Variants in SLC38A6 observed in about 807,000 individuals in gnomAD.
The protein encoded by SLC38A6 is N system amino acid transporter NAT-1.
Under a neutral mutation model 65.0 loss-of-function variants are expected in SLC38A6, and 73 were observed. The ratio of observed to expected loss-of-function variants is 1.12; its 90% confidence interval spans 0.93 to 1.37. The LOEUF (loss-of-function observed/expected upper bound fraction) is 1.37, where lower values mean the gene tolerates loss of function less well. SLC38A6 is among the 40% of genes most tolerant of loss of function. The probability of loss-of-function intolerance (pLI) is 0.00; values close to 1 mark genes in which losing one functional copy is unlikely to be tolerated. For missense variants in SLC38A6, 561 were observed against 531.1 expected (o/e 1.06, Z -0.55); for synonymous variants, 183 against 178.8 (o/e 1.02, Z -0.19).
Position 61,026,545 on chromosome 14 carries a change from A to G in SLC38A6, c.404-3900A>G, listed in dbSNP as rs1001815517. On this transcript the variant is annotated intron_variant, in intron 5 of 15. Coordinates refer to ENST00000267488, the MANE Select transcript of SLC38A6 (RefSeq NM_153811.3). ...GTGATATTCATTTCCTTTGAAGTCA[A>G]CTGTTAATCTCAGCATTCAAAAGTA... is the stretch of plus-strand genomic sequence containing the variant. Among the ~76,000 whole-genome samples, 6 of 152,138 alleles carry G rather than the reference A, an allele frequency of 3.9e-5. No homozygotes were observed. In the South Asian group the frequency reaches 8.3e-4, roughly 21 times the overall value.
intron 6 of SLC38A6, among the ~76,000 whole-genome samples, chr14:61,032,054 T>G (rs1396875201): frequency 6.6e-6 from 1 of 151,888 alleles, no homozygotes; most frequent in Admixed American, 6.6e-5. Context: ...CAAGCATGTG[T>G]GTACACAAAC....
At position 60,981,292 on chromosome 14, in the gene SLC38A6, G is replaced by A. The variant is rs751058053; in HGVS notation, c.15G>A (p.Trp5Ter). The part of the protein sequence containing the change: MEAS[W>*]GSFNAERGWY... The stretch of plus-strand genomic sequence containing the variant: ...TGGAGAGCAGCATGGAGGCGTCCTG[G>A]GGGAGCTTCAACGCTGAGCGGGGCT... Residue 5 changes from tryptophan (W) to a stop codon, truncating the protein, a stop_gained, in exon 1 of 16, where the codon TGG (tryptophan) becomes TGA (stop). Transcript: ENST00000267488. LOFTEE classifies it high-confidence loss of function. 3 of 1,607,296 alleles carry A rather than the reference G, an allele frequency of 1.9e-6. No individual in the cohort carries two copies. The East Asian group carries it at 6.7e-5, about 36-fold the overall frequency.
At chr14:61,012,528 T>C (rs1195819627) in intron 3 of SLC38A6, among the ~76,000 whole-genome samples, 1 of 152,212 alleles carries the variant, frequency 6.6e-6, no homozygotes, top group Non-Finnish European at 1.5e-5. Flanking sequence ...TTTTGTCCTA[T>C]AAAGTTCCCT....
rs1337694672 is a variant in SLC38A6, at chr14:61,052,075, C to G, written c.1230C>G (p.Phe410Leu). ...ASTSTCLIFI[F>L]PGLFYLKLSR... ...CATCAACATGTTTGATTTTTATATT[C>G]CCAGGACTATTTTATCTTAAACTTA... is the stretch of plus-strand genomic sequence containing the variant. Residue 410 changes from phenylalanine to leucine, a missense_variant, in exon 15 of 16, where the codon TTC (phenylalanine) becomes TTG (leucine). Physicochemically the swap from Phe to Leu is conservative, Grantham distance 22 (BLOSUM62 0). Transcript: ENST00000267488. 1 of 1,588,156 alleles carries G rather than the reference C, an allele frequency of 6.3e-7. No individual in the cohort carries two copies. Among genetic ancestry groups the G allele is most frequent in the Non-Finnish European group, 8.5e-7 (1 of 1,173,760 alleles).
chr14:61,050,497 T>C lies in SLC38A6; in HGVS notation c.926-15T>C. ...TTAGTACTTTATAATGTGATCCTTA[T>C]TATTTTATTTACAGACAAAGTGGAG... On this transcript the variant is annotated splice_polypyrimidine_tract_variant and intron_variant, in intron 12 of 15. Coordinates refer to ENST00000267488, the MANE Select transcript of SLC38A6 (RefSeq NM_153811.3). The C allele has an allele frequency of 6.8e-7, 1 of 1,476,396 alleles. No individual in the cohort carries two copies. The highest frequency in any genetic ancestry group is 1.3e-5 in the South Asian group (1 of 76,118). 91.5% of individuals were successfully genotyped at this position (1,476,396 alleles called of 1,614,324 possible).
At chr14:61,036,960 CTGTGTGTG>C (rs34977105) in intron 6 of SLC38A6, 91 bp from the exon 7 acceptor site, 603 of 438,278 alleles carry the variant, frequency 1.4e-3, no homozygotes, top group East Asian at 5.4e-3. Context: ...GGTTATAACT[CTGTGTGTG>C]TGTGTGTGTG....
intron 3 of SLC38A6, among the ~76,000 whole-genome samples, chr14:60,997,478 C>T (rs1239154667): frequency 6.6e-6 from 1 of 152,114 alleles, no homozygotes; most frequent in Non-Finnish European, 1.5e-5. Flanking sequence ...AAGGCACAGT[C>T]CTCGCTCCAG....
chr14:61,079,781 A>C (rs1447018558), intron 16 of SLC38A6, among the ~76,000 whole-genome samples: 1 of 152,200 alleles, frequency 6.6e-6, no homozygotes, highest in African/African-American at 2.4e-5. Flanking sequence ...CAGAGACTTC[A>C]TGGTACAGTG....
At chr14:61,011,577 G>GT (rs1034237727) in intron 3 of SLC38A6, among the ~76,000 whole-genome samples, 5 of 151,966 alleles carry the variant, frequency 3.3e-5, no homozygotes, top group Admixed American at 6.6e-5. Flanking sequence ...TTTATTGAGA[G>GT]TTTTTAGCAT....
intron 1 of SLC38A6, chr14:60,982,141 G>C (rs1209373967): frequency 4.3e-6 from 2 of 460,462 alleles, no homozygotes; most frequent in Non-Finnish European, 8.7e-6. Context: ...AGCAGTCCCA[G>C]GTTGACTCAG....
At chr14:61,074,851 T>A (rs985235760) in intron 15 of SLC38A6, among the ~76,000 whole-genome samples, 1 of 152,172 alleles carries the variant, frequency 6.6e-6, no homozygotes, top group African/African-American at 2.4e-5. Context: ...TGTCTTTTTT[T>A]TTTTGGTGGT....
intron 15 of SLC38A6, among the ~76,000 whole-genome samples, chr14:61,065,214 G>A (rs534767167): frequency 9.2e-5 from 14 of 152,216 alleles, no homozygotes; most frequent in Admixed American, 2.0e-4. Flanking sequence ...AAGATTCTCT[G>A]CTATCCAGCA....
At chr14:61,041,080 A>G (rs909523926) in intron 8 of SLC38A6, among the ~76,000 whole-genome samples, 2 of 152,230 alleles carry the variant, frequency 1.3e-5, no homozygotes, top group African/African-American at 4.8e-5. Context: ...CCACAAAAGA[A>G]GCAAAGGGCT....
At chr14:60,997,912 G>A (rs1046957788) in intron 3 of SLC38A6, among the ~76,000 whole-genome samples, 2 of 152,048 alleles carry the variant, frequency 1.3e-5, no homozygotes, top group African/African-American at 4.8e-5. Flanking sequence ...CTTATATGTA[G>A]GTGGACAAGG....
At chr14:61,008,168 G>A (rs1027008379) in intron 3 of SLC38A6, among the ~76,000 whole-genome samples, 9 of 152,238 alleles carry the variant, frequency 5.9e-5, no homozygotes, top group South Asian at 2.1e-4. Context: ...TTGTTTAGCA[G>A]TATGTAAATA....
intron 10 of SLC38A6, among the ~76,000 whole-genome samples, chr14:61,045,048 T>C (rs1205158313): frequency 6.6e-6 from 1 of 152,140 alleles, no homozygotes; most frequent in African/African-American, 2.4e-5. Flanking sequence ...TATGTAATTT[T>C]TAAAATCTTA....
intron 15 of SLC38A6, among the ~76,000 whole-genome samples, chr14:61,071,193 C>T (rs937560540): frequency 2.0e-5 from 3 of 152,104 alleles, no homozygotes; most frequent in Non-Finnish European, 2.9e-5. Context: ...CCTATCAATG[C>T]ATATTGAGGG....
chr14:61,025,955 C>T (rs940967257), intron 5 of SLC38A6, among the ~76,000 whole-genome samples: 2 of 152,156 alleles, frequency 1.3e-5, no homozygotes, highest in African/African-American at 2.4e-5. Flanking sequence ...GTAGCACATC[C>T]GTTTGTTTAG....
intron 16 of SLC38A6, among the ~76,000 whole-genome samples, chr14:61,081,466 C>G (rs909010184): frequency 6.6e-6 from 1 of 152,166 alleles, no homozygotes; most frequent in African/African-American, 2.4e-5. Flanking sequence ...GGTTAGATCA[C>G]CAGAGGTCAG....
Sources: gnomAD v4.1 joint callset for allele counts (sites outside exome capture counted in the v4.1 genomes callset) on GRCh38, gnomAD v4.1.1 for gene constraint, MANE v1.5 for transcripts, NCBI Gene and HGNC (gene_info 2026-07-23, HGNC 2026-07-21) for gene names.